PPFIA2: variants seen among roughly 807,000 people sequenced by gnomAD.
PPFIA2 encodes the protein liprin-alpha-2.
In PPFIA2, 46 loss-of-function variants were observed where a neutral mutation model predicts 175.5. The observed-to-expected ratio is 0.26, with a 90% CI of 0.21 to 0.34. The LOEUF is 0.34. Among genes scored for constraint, PPFIA2 ranks in the 10% least tolerant of loss-of-function variants. The pLI is 1.00. For synonymous variants in PPFIA2, 568 were observed against 511.4 expected (o/e 1.11, Z -1.49); for missense variants, 1,179 against 1,506.1 (o/e 0.78, Z 3.60).
chr12:81,476,442 T>C (rs578053511), intron 4 of PPFIA2, among the ~76,000 whole-genome samples: 5 of 152,348 alleles, frequency 3.3e-5, no homozygotes, highest in African/African-American at 1.2e-4. Flanking sequence ...TTTGTATTTA[T>C]TTTCTCTCTG....
At chr12:81,581,829 C>T (rs1374187530) in intron 4 of PPFIA2, among the ~76,000 whole-genome samples, 1 of 151,718 alleles carries the variant, frequency 6.6e-6, no homozygotes, top group Admixed American at 6.6e-5. Context: ...GTTTAATGTG[C>T]CCATAAGTTT....
At chr12:81,271,065 G>GAAATTTT (rs1383735440) in intron 28 of PPFIA2, among the ~76,000 whole-genome samples, 2 of 152,002 alleles carry the variant, frequency 1.3e-5, no homozygotes, top group African/African-American at 4.8e-5. Flanking sequence ...TTCTTATATT[G>GAAATTTT]AAAGTGTGTC....
At chr12:81,388,673 T>A (rs954050391) in intron 8 of PPFIA2, among the ~76,000 whole-genome samples, 2 of 152,068 alleles carry the variant, frequency 1.3e-5, no homozygotes. Context: ...TAAAAGCCTA[T>A]AAAAACCTTG....
chr12:81,558,609 G>A (rs971166829), intron 4 of PPFIA2, among the ~76,000 whole-genome samples: 1 of 152,162 alleles, frequency 6.6e-6, no homozygotes, highest in Non-Finnish European at 1.5e-5. Flanking sequence ...GCACATCAAA[G>A]AAGCCAGGAC....
intron 22 of PPFIA2, among the ~76,000 whole-genome samples, chr12:81,304,809 AGAG>A (rs1226175096): frequency 2.0e-5 from 3 of 152,136 alleles, no homozygotes; most frequent in Admixed American, 1.3e-4. Context: ...TGGGAGCTGA[AGAG>A]GAGTTTATTC....
intron 21 of PPFIA2, among the ~76,000 whole-genome samples, chr12:81,329,587 G>A (rs967147035): frequency 1.3e-5 from 2 of 152,130 alleles, no homozygotes; most frequent in African/African-American, 2.4e-5. Flanking sequence ...GCCAGTGGGA[G>A]CGAGGGATCC....
chr12:81,657,417 A>G (rs2067963141), intron 4 of PPFIA2, among the ~76,000 whole-genome samples: 1 of 152,088 alleles, frequency 6.6e-6, no homozygotes, highest in Non-Finnish European at 1.5e-5. Flanking sequence ...GCTACCTTGG[A>G]CCTGTACACG....
chr12:81,299,461 A>G, intron 22 of PPFIA2, 79 bp from the exon 23 acceptor site: 1 of 1,487,702 alleles, frequency 6.7e-7, no homozygotes, highest in South Asian at 1.3e-5. Context: ...AATATTTTAA[A>G]ATAACCAATC....
intron 4 of PPFIA2, among the ~76,000 whole-genome samples, chr12:81,595,266 C>CAT (rs200144374): frequency 0.1 from 15,601 of 149,532 alleles, 974 homozygotes; most frequent in South Asian, 0.16. Flanking sequence ...TTTAAACAAA[C>CAT]ATATATATAT....
chr12:81,493,525 C>A (rs1042514842), intron 4 of PPFIA2, among the ~76,000 whole-genome samples: 4 of 151,926 alleles, frequency 2.6e-5, no homozygotes, highest in East Asian at 1.9e-4. Context: ...AAATCTGTCA[C>A]CAGATTTGGC....
intron 23 of PPFIA2, among the ~76,000 whole-genome samples, chr12:81,297,281 A>G (rs936102508): frequency 6.6e-6 from 1 of 152,332 alleles, no homozygotes; most frequent in South Asian, 2.1e-4. Context: ...CTCCTGACCC[A>G]TAGAAGTCAT....
intron 4 of PPFIA2, among the ~76,000 whole-genome samples, chr12:81,481,421 C>G (rs914544538): frequency 1.3e-5 from 2 of 152,122 alleles, no homozygotes; most frequent in African/African-American, 4.8e-5. Context: ...CAATAAAGAG[C>G]CCGCATAGCC....
rs1467682027 is a variant in PPFIA2 at position 81,678,702 on chromosome 12, A to G, written c.250-1858T>C. Among the ~76,000 whole-genome samples the G allele has an allele frequency of 1.3e-5, 2 of 151,934 alleles. 1 individual carries two copies. Among genetic ancestry groups the G allele is most frequent in the South Asian group, 4.1e-4 (2 of 4,826 alleles). ...AAATATTGTAGGGACCTGCCAGAGAATTAAGGCAATATAGAATCTGAAAAA... is the reference window on the plus strand; with the variant it reads ...AAATATTGTAGGGACCTGCCAGAGAGTTAAGGCAATATAGAATCTGAAAAA... On this transcript the variant is annotated intron_variant, in intron 3 of 32. Coordinates refer to ENST00000549396, the MANE Select transcript of PPFIA2 (RefSeq NM_003625.5).
intron 4 of PPFIA2, among the ~76,000 whole-genome samples, chr12:81,541,919 T>G (rs1390118025): frequency 6.6e-6 from 1 of 151,982 alleles, no homozygotes. Context: ...CTTTGAAGAC[T>G]AGAATGATTG....
In PPFIA2 at chr12:81,642,759, C is replaced by CATGTATGTATTATATACATAT. The variant is rs2065370139; in HGVS notation, c.303+34031_303+34032insATATGTATATAATACATACAT. 2.8e-4 allele frequency among the ~76,000 whole-genome samples: 2 copies of CATGTATGTATTATATACATAT among 7,158 alleles called. 1 individual carries two copies. Among genetic ancestry groups the CATGTATGTATTATATACATAT allele is most frequent in the Non-Finnish European group, 6.4e-4 (2 of 3,120 alleles). The allele number at this position is 7,158 out of a possible 152,430, so 4.7% of individuals were successfully genotyped here. ...TATGTATGTATGTATTATATACATA[C>CATGTATGTATTATATACATAT]ATGTATATGTATGTATGTATTATAT... On this transcript the variant is annotated intron_variant, in intron 4 of 32. Coordinates refer to ENST00000549396, the MANE Select transcript of PPFIA2 (RefSeq NM_003625.5).
intron 4 of PPFIA2, among the ~76,000 whole-genome samples, chr12:81,592,041 T>C (rs2058732772): frequency 6.6e-6 from 1 of 152,128 alleles, no homozygotes; most frequent in Non-Finnish European, 1.5e-5. Context: ...CCCATGACCA[T>C]GGGAACCCAC....
chr12:81,570,860 C>T (rs887896544), intron 4 of PPFIA2, among the ~76,000 whole-genome samples: 5 of 151,696 alleles, frequency 3.3e-5, no homozygotes, highest in East Asian at 1.9e-4. Context: ...AAAGCCGGTT[C>T]GAAACTAACT....
intron 22 of PPFIA2, among the ~76,000 whole-genome samples, chr12:81,303,070 A>T (rs939951498): frequency 2.6e-5 from 4 of 152,172 alleles, no homozygotes; most frequent in Non-Finnish European, 5.9e-5. Context: ...AGTCTTTTGG[A>T]TATACTGCTG....
chr12:81,361,087 T>A (rs1390910546), intron 15 of PPFIA2, among the ~76,000 whole-genome samples: 1 of 151,612 alleles, frequency 6.6e-6, no homozygotes, highest in Admixed American at 6.6e-5. Context: ...AAAGAATAAT[T>A]GTTCTATATA....
Sources: allele counts gnomAD v4.1 joint callset (sites outside exome capture counted in the v4.1 genomes callset), GRCh38; gene constraint gnomAD v4.1.1; transcripts MANE v1.5; gene names NCBI Gene and HGNC (gene_info 2026-07-23, HGNC 2026-07-21).